The following B3GALT5 variants were observed in gnomAD, a reference collection of about 807,000 sequenced individuals.
B3GALT5 encodes the protein UDP-Gal:betaGlcNAc beta 1,3-galactosyltransferase, polypeptide 5.
For synonymous variants in B3GALT5, 156 were observed against 158.6 expected, an observed-to-expected ratio of 0.98 and a Z score of 0.12; for missense variants, 328 against 396.6, an observed-to-expected ratio of 0.83 and a Z score of 1.47.
chr21:39,639,333 TC>T (rs1410682865), intron 1 of B3GALT5, among the ~76,000 whole-genome samples: 6 of 123,082 alleles, frequency 4.9e-5, no homozygotes, highest in Non-Finnish European at 8.4e-5. Context: ...TTTCTTTCTT[TC>T]TTTCTTTCTT....
At chr21:39,640,383 C>G (rs571376863) in intron 1 of B3GALT5, among the ~76,000 whole-genome samples, 35 of 152,300 alleles carry the variant, frequency 2.3e-4, no homozygotes, top group African/African-American at 8.2e-4. Flanking sequence ...TTCCCTGCTC[C>G]TGAGACCCCT....
At chr21:39,658,474 T>C (rs1055567808) in intron 2 of B3GALT5, among the ~76,000 whole-genome samples, 7 of 152,180 alleles carry the variant, frequency 4.6e-5, no homozygotes, top group Middle Eastern at 3.2e-3. Context: ...ATATCTTCTT[T>C]CCCTTGCACT....
At chr21:39,614,428 G>A (rs1397353179) in intron 1 of B3GALT5, among the ~76,000 whole-genome samples, 1 of 152,170 alleles carries the variant, frequency 6.6e-6, no homozygotes, top group Non-Finnish European at 1.5e-5. Flanking sequence ...GATGCAAATC[G>A]GAAAGAGATG....
chr21:39,637,837 G>A (rs748820836), intron 1 of B3GALT5, among the ~76,000 whole-genome samples: 3 of 152,314 alleles, frequency 2.0e-5, no homozygotes, highest in South Asian at 4.1e-4. Context: ...TGGTCTTAGG[G>A]TACATTGGGC....
intron 1 of B3GALT5, among the ~76,000 whole-genome samples, chr21:39,624,690 A>G (rs1338885343): frequency 1.3e-5 from 2 of 152,286 alleles, no homozygotes; most frequent in South Asian, 2.1e-4. Flanking sequence ...CGAACTCTCA[A>G]AGGTTTTCTG....
chr21:39,642,567 T>C (rs2079298531), intron 1 of B3GALT5, among the ~76,000 whole-genome samples: 1 of 152,218 alleles, frequency 6.6e-6, no homozygotes, highest in Non-Finnish European at 1.5e-5. Context: ...GTTTGTTTGT[T>C]TTTGGATGTT....
chr21:39,639,646 A>G (rs997353784), intron 1 of B3GALT5, among the ~76,000 whole-genome samples: 6 of 151,304 alleles, frequency 4.0e-5, no homozygotes, highest in African/African-American at 1.5e-4. Flanking sequence ...CGCCTGGCTA[A>G]TTTTTGTATT....
intron 1 of B3GALT5, among the ~76,000 whole-genome samples, chr21:39,633,561 A>G (rs148592198): frequency 2.4e-3 from 371 of 152,314 alleles, no homozygotes; most frequent in Non-Finnish European, 4.1e-3. Flanking sequence ...GACTACAAAG[A>G]CATCTCCTAA....
At chr21:39,655,222 C>G (rs1027026172) in intron 2 of B3GALT5, among the ~76,000 whole-genome samples, 5 of 152,222 alleles carry the variant, frequency 3.3e-5, no homozygotes, top group Non-Finnish European at 4.4e-5. Context: ...AGTCCGAAGG[C>G]AGGAAAAGAC....
chr21:39,635,650 G>T (rs1465322574), intron 1 of B3GALT5, among the ~76,000 whole-genome samples: 2 of 152,016 alleles, frequency 1.3e-5, no homozygotes, highest in African/African-American at 4.8e-5. Context: ...AGCTAATTTT[G>T]TATTTTTTTA....
intron 2 of B3GALT5, among the ~76,000 whole-genome samples, chr21:39,650,004 G>A (rs2079379494): frequency 1.3e-5 from 2 of 152,222 alleles, no homozygotes; most frequent in Non-Finnish European, 2.9e-5. Context: ...CCCAGTTACT[G>A]CTTGGCTCAT....
chr21:39,647,772 A>G (rs1476028781), intron 2 of B3GALT5, among the ~76,000 whole-genome samples: 1 of 152,186 alleles, frequency 6.6e-6, no homozygotes, highest in East Asian at 1.9e-4. Context: ...TGGCTTTACC[A>G]TTAGGGCAAC....
At chr21:39,636,709 G>A (rs962759916) in intron 1 of B3GALT5, among the ~76,000 whole-genome samples, 1 of 152,106 alleles carries the variant, frequency 6.6e-6, no homozygotes, top group African/African-American at 2.4e-5. Context: ...AGGATCCTGG[G>A]ACTGGAAAGG....
In B3GALT5 at chr21:39,651,983, C is replaced by A. The variant is rs1159832446; in HGVS notation, c.-161+5361C>A. On this transcript the variant is annotated intron_variant, in intron 2 of 3. Coordinates refer to ENST00000684187, the MANE Select transcript of B3GALT5 (RefSeq NM_001356336.2). ...GCTTCACCCGACTGTGTTGAAAGGA[C>A]CCATGATGTAAGGATGTTTGTTGTG... is the stretch of plus-strand genomic sequence containing the variant. 2.6e-5 allele frequency among the ~76,000 whole-genome samples: 4 copies of A among 152,276 alleles called. No homozygotes were observed. The East Asian group carries it at 7.7e-4, about 29-fold the overall frequency.
intron 2 of B3GALT5, among the ~76,000 whole-genome samples, chr21:39,647,556 CCACGCTGGT>C (rs2079353377): frequency 9.0e-5 from 3 of 33,258 alleles, no homozygotes; most frequent in African/African-American, 4.3e-4. Flanking sequence ...CCACGCTGGT[CCACGCTGGT>C]CTTTAACTCC....
In B3GALT5 at chr21:39,661,009, G is replaced by A. The variant is rs538924308; in HGVS notation, c.450G>A (p.Ala150=). The A allele has an allele frequency of 6.9e-5, 112 of 1,613,348 alleles. No homozygotes were observed. The highest frequency in any genetic ancestry group is 2.7e-4 in the Admixed American group (16 of 59,994). ...EWVHRFCPQA[A]FVMKTDSDMF... is the part of the protein sequence containing the mutation. ...TCCATCGCTTTTGTCCTCAGGCGGC[G>A]TTTGTGATGAAAACAGACTCAGACA... is the stretch of plus-strand genomic sequence containing the variant. The change falls in exon 4 of 4, where the codon GCG becomes GCA. Residue 150 remains alanine, a synonymous_variant. Transcript: ENST00000684187. The surrounding 1 kb of genome is among the most constrained non-coding windows in gnomAD (Gnocchi z 4.7).
rs75503028 is a variant in B3GALT5, at chr21:39,615,810, C to T, written c.-392+2743C>T. 5.1e-3 allele frequency among the ~76,000 whole-genome samples: 775 copies of T among 152,268 alleles called. 3 individuals are homozygous for T. Among genetic ancestry groups the T allele is most frequent in the Non-Finnish European group, 8.9e-3 (608 of 68,024 alleles). On this transcript the variant is annotated intron_variant, in intron 1 of 3. Transcript: ENST00000684187. ...TAGAACAGTGCCAGGTATATACATGCTACTTAAGTTATAGCTATTGTTGTT... is the reference window on the plus strand; with the variant it reads ...TAGAACAGTGCCAGGTATATACATGTTACTTAAGTTATAGCTATTGTTGTT...
In B3GALT5 at chr21:39,661,539, G is replaced by T; in HGVS notation, c.*47G>T. The T allele has an allele frequency of 6.8e-7, 1 of 1,462,938 alleles. No individual in the cohort carries two copies. The highest frequency in any genetic ancestry group is 9.1e-7 in the Non-Finnish European group (1 of 1,104,904). 90.6% of individuals were successfully genotyped at this position (1,462,938 alleles called of 1,614,324 possible). A position where few individuals can be genotyped will look rare whatever the true frequency, so the allele number is the denominator to read the frequency against. ...GGACAAGTTTCAGATAACCCGTGGG[G>T]ATAGTTTTTGCTAGATTTTGGAAGA... On this transcript the variant is annotated 3_prime_UTR_variant, in exon 4 of 4. Transcript: ENST00000684187. The surrounding 1 kb of genome is among the most constrained non-coding windows in gnomAD (Gnocchi z 4.7).
At chr21:39,657,665 C>T (rs1022766884) in intron 2 of B3GALT5, 2 of 376,560 alleles carry the variant, frequency 5.3e-6, no homozygotes, top group African/African-American at 4.2e-5. Flanking sequence ...ATCTATCTGT[C>T]TGTCTATCTA....
Sources: gnomAD v4.1 joint callset for allele counts (sites outside exome capture counted in the v4.1 genomes callset) on GRCh38, gnomAD v4.1.1 for gene constraint, Gnocchi (gnomAD v3.1) non-coding constraint, MANE v1.5 for transcripts, NCBI Gene and HGNC (gene_info 2026-07-23, HGNC 2026-07-21) for gene names.